Variants in COL8A1 observed in about 807,000 individuals in gnomAD.
COL8A1 encodes collagen type VIII alpha 1 chain.
Under a neutral mutation model 42.7 loss-of-function variants are expected in COL8A1, and 21 were observed. The observed-to-expected ratio is 0.49, with a 90% CI of 0.35 to 0.71. The LOEUF (loss-of-function observed/expected upper bound fraction) is 0.71. Ranked by LOEUF, COL8A1 falls within the 30% of genes least tolerant of loss-of-function variation. COL8A1 has a pLI of 0.01. For synonymous variants in COL8A1, 367 were observed against 369.1 expected (o/e 0.99, Z 0.06); for missense variants, 788 against 962.4 (o/e 0.82, Z 2.40).
intron 1 of COL8A1, chr3:99,703,279 G>A (rs1373850813): frequency 1.3e-5 from 2 of 152,210 alleles, no homozygotes; most frequent in South Asian, 2.1e-4. Flanking sequence ...CACAAGCTAT[G>A]AGATTTGCGC....
At chr3:99,713,451 C>A (rs1939903503) in intron 1 of COL8A1, among the ~76,000 whole-genome samples, 1 of 152,066 alleles carries the variant, frequency 6.6e-6, no homozygotes, top group Non-Finnish European at 1.5e-5. Flanking sequence ...AAAGAGAAAC[C>A]AGTAAAGCTC....
At chr3:99,773,837 A>ATATATATATATATATT (rs1200212756) in intron 2 of COL8A1, among the ~76,000 whole-genome samples, 5 of 45,394 alleles carry the variant, frequency 1.1e-4, no homozygotes, top group African/African-American at 5.1e-4. Context: ...ATATATATAT[A>ATATATATATATATATT]TTTTTTTTTT....
At chr3:99,687,164 A>T (rs1264135054) in intron 1 of COL8A1, among the ~76,000 whole-genome samples, 1 of 152,174 alleles carries the variant, frequency 6.6e-6, no homozygotes, top group Admixed American at 6.5e-5. Context: ...CATCTCTGAA[A>T]ATCCAAAGGC....
chr3:99,710,365 T>A (rs1277546338), intron 1 of COL8A1, among the ~76,000 whole-genome samples: 1 of 152,130 alleles, frequency 6.6e-6, no homozygotes, highest in East Asian at 1.9e-4. Context: ...CCCACTCCAC[T>A]ATCTCCGTCC....
intron 2 of COL8A1, among the ~76,000 whole-genome samples, chr3:99,768,736 C>G (rs1941518650): frequency 6.6e-6 from 1 of 152,210 alleles, no homozygotes; most frequent in Non-Finnish European, 1.5e-5. Flanking sequence ...TCCCCAGTCT[C>G]TAACTCTACC....
chr3:99,665,511 A>T (rs1431092490), intron 1 of COL8A1, among the ~76,000 whole-genome samples: 3 of 152,050 alleles, frequency 2.0e-5, no homozygotes, highest in Admixed American at 6.6e-5. Context: ...TTCAACTGGG[A>T]CCACACACAC....
At position 99,798,111 on chromosome 3, in the gene COL8A1, G is replaced by C. The variant is rs1455453452; in HGVS notation, c.*1975G>C. On this transcript the variant is annotated 3_prime_UTR_variant, in exon 4 of 4. Transcript: ENST00000652472. ...TGAAAACACATGGAAATGTGTCTTT[G>C]TCAAATCTGAATCATTATTACCATC... The C allele has an allele frequency of 6.6e-6, 1 of 152,182 alleles. No individual in the cohort carries two copies. The highest frequency in any genetic ancestry group is 1.5e-5 in the Non-Finnish European group (1 of 68,028). The allele number at this position is 152,182 out of a possible 1,614,324, so 9.4% of individuals were successfully genotyped here. A position where few individuals can be genotyped will look rare whatever the true frequency, so the allele number is the denominator to read the frequency against.
At chr3:99,772,436 C>G (rs902254114) in intron 2 of COL8A1, among the ~76,000 whole-genome samples, 3 of 151,988 alleles carry the variant, frequency 2.0e-5, no homozygotes, top group Admixed American at 6.6e-5. Flanking sequence ...AGAGTGAACA[C>G]TAATGTAAAA....
intron 2 of COL8A1, among the ~76,000 whole-genome samples, chr3:99,764,376 T>C (rs1941419361): frequency 6.6e-6 from 1 of 152,168 alleles, no homozygotes; most frequent in African/African-American, 2.4e-5. Context: ...AGAACAACAT[T>C]AGTATAAATT....
chr3:99,739,050 C>T (rs1940821094), intron 1 of COL8A1, among the ~76,000 whole-genome samples: 1 of 152,210 alleles, frequency 6.6e-6, no homozygotes, highest in Non-Finnish European at 1.5e-5. Context: ...CCTTGCGCTT[C>T]CCAAGTGAGG....
At chr3:99,650,528 G>A (rs897846200) in intron 1 of COL8A1, among the ~76,000 whole-genome samples, 12 of 151,926 alleles carry the variant, frequency 7.9e-5, no homozygotes, top group South Asian at 6.2e-4. Context: ...TTCACCTCCC[G>A]GGTTCAAGTT....
At chr3:99,680,443 C>T (rs1938835923) in intron 1 of COL8A1, 1 of 152,092 alleles carries the variant, frequency 6.6e-6, no homozygotes, top group East Asian at 1.9e-4. Context: ...GTGAATAGTG[C>T]CGCAATAAAC....
chr3:99,645,025 G>A (rs901761030), intron 1 of COL8A1, among the ~76,000 whole-genome samples: 1 of 152,176 alleles, frequency 6.6e-6, no homozygotes, highest in Non-Finnish European at 1.5e-5. Flanking sequence ...AGTTCAGTAG[G>A]AGGATTTCAA....
chr3:99,728,584 G>A (rs1940406518), intron 1 of COL8A1, among the ~76,000 whole-genome samples: 1 of 151,868 alleles, frequency 6.6e-6, no homozygotes, highest in African/African-American at 2.4e-5. Flanking sequence ...TTAACCTCAG[G>A]AAAAACTAAG....
At chr3:99,673,701 T>C (rs1425205285) in intron 1 of COL8A1, among the ~76,000 whole-genome samples, 2 of 152,070 alleles carry the variant, frequency 1.3e-5, no homozygotes, top group East Asian at 3.9e-4. Context: ...TAGAATATCA[T>C]TTTATGTGCC....
intron 2 of COL8A1, among the ~76,000 whole-genome samples, chr3:99,779,641 G>A (rs148279851): frequency 2.6e-3 from 401 of 152,302 alleles, no homozygotes; most frequent in Non-Finnish European, 3.7e-3. Context: ...TAGGAGACGC[G>A]CCGCACTGAA....
intron 1 of COL8A1, among the ~76,000 whole-genome samples, chr3:99,723,225 G>A (rs1430705104): frequency 2.6e-5 from 4 of 152,122 alleles, no homozygotes; most frequent in Non-Finnish European, 5.9e-5. Flanking sequence ...CTTATTGGCA[G>A]TGAAGATTTT....
At chr3:99,676,285 T>C (rs1032601118) in intron 1 of COL8A1, among the ~76,000 whole-genome samples, 1 of 152,076 alleles carries the variant, frequency 6.6e-6, no homozygotes, top group African/African-American at 2.4e-5. Context: ...CAAAGAATAA[T>C]AAAAAGTGAT....
chr3:99,660,213 G>A (rs1206340265), intron 1 of COL8A1, among the ~76,000 whole-genome samples: 1 of 152,140 alleles, frequency 6.6e-6, no homozygotes, highest in Admixed American at 6.5e-5. Flanking sequence ...AGGGCACTGT[G>A]GCTTTGCATA....
Sources: allele counts gnomAD v4.1 joint callset (sites outside exome capture counted in the v4.1 genomes callset), GRCh38; gene constraint gnomAD v4.1.1; transcripts MANE v1.5; gene names NCBI Gene and HGNC (gene_info 2026-07-23, HGNC 2026-07-21).